The following SCAF8 variants were observed in gnomAD, a reference collection of about 807,000 sequenced individuals.
The protein encoded by SCAF8 is SR-related and CTD-associated factor 8.
Under a neutral mutation model 140.5 loss-of-function variants are expected in SCAF8, and 23 were observed. The observed-to-expected ratio is 0.16, with a 90% CI of 0.12 to 0.23. The LOEUF is 0.23. SCAF8 is among the 10% of genes least tolerant of loss of function. The probability of loss-of-function intolerance (pLI) is 1.00; values close to 1 mark genes in which losing one functional copy is unlikely to be tolerated. For missense variants in SCAF8, 1,397 were observed against 1,555.7 expected, an observed-to-expected ratio of 0.90 and a Z score of 1.72; for synonymous variants, 575 against 528.9, an observed-to-expected ratio of 1.09 and a Z score of -1.20.
intron 12 of SCAF8, among the ~76,000 whole-genome samples, chr6:154,810,935 G>A (rs1778071578): frequency 6.6e-6 from 1 of 152,148 alleles, no homozygotes; most frequent in African/African-American, 2.4e-5. Context: ...TCTAATTTCT[G>A]AAGACTTCCA....
chr6:154,734,627 G>T (rs1237060794), intron 1 of SCAF8, among the ~76,000 whole-genome samples: 1 of 152,142 alleles, frequency 6.6e-6, no homozygotes. Flanking sequence ...TTTCTCGCTG[G>T]TTCATTCACG....
chr6:154,792,930 C>T lies in SCAF8; in HGVS notation c.429C>T (p.Val143=). 1 of 1,613,864 alleles carries T rather than the reference C, an allele frequency of 6.2e-7. No individual in the cohort carries two copies. The highest frequency in any genetic ancestry group is 2.2e-5 in the East Asian group (1 of 44,844). Residue 143 remains valine (V), a synonymous_variant, in exon 5 of 20, where the codon GTC becomes GTT. Transcript: ENST00000367178. ...CAGCCGGGATTCCGCCTCCAGTTGT[C>T]ACACCTGTTTTGGCCAGCACTACCA... ...DMAAGIPPPV[V]TPVLASTTTA... is the part of the protein sequence containing the mutation.
intron 14 of SCAF8, among the ~76,000 whole-genome samples, chr6:154,819,204 G>C (rs545809180): frequency 1.3e-5 from 2 of 152,086 alleles, no homozygotes; most frequent in African/African-American, 4.8e-5. Context: ...TTTCATTAAA[G>C]TTAATATATG....
intron 1 of SCAF8, among the ~76,000 whole-genome samples, chr6:154,758,320 G>A (rs1779016741): frequency 6.6e-6 from 1 of 152,196 alleles, no homozygotes; most frequent in Admixed American, 6.5e-5. Context: ...TTTGGTTAAC[G>A]TCAGGATGCG....
At chr6:154,805,888 G>C (rs1326717672) in intron 9 of SCAF8, among the ~76,000 whole-genome samples, 1 of 152,126 alleles carries the variant, frequency 6.6e-6, no homozygotes, top group African/African-American at 2.4e-5. Flanking sequence ...TGACAATGAT[G>C]ATGGCCATGT....
intron 6 of SCAF8, 29 bp from the exon 7 acceptor site, chr6:154,801,942 T>C (rs963163497): frequency 1.3e-6 from 2 of 1,524,980 alleles, no homozygotes; most frequent in African/African-American, 2.8e-5. Context: ...CCAACACCTG[T>C]TTTGTAATAT....
At chr6:154,763,390 A>G (rs1306219792) in intron 1 of SCAF8, among the ~76,000 whole-genome samples, 2 of 152,198 alleles carry the variant, frequency 1.3e-5, no homozygotes, top group African/African-American at 4.8e-5. Flanking sequence ...TTGTTAAGAA[A>G]GATGGACTGG....
chr6:154,740,625 C>CTTTTTTTTTTTTTT (rs66980794), intron 1 of SCAF8, among the ~76,000 whole-genome samples: 4 of 138,520 alleles, frequency 2.9e-5, no homozygotes, highest in Non-Finnish European at 4.6e-5. Flanking sequence ...TTTTCTTTTT[C>CTTTTTTTTTTTTTT]TTTTTTTTTT....
chr6:154,813,992 A>G (rs751799733), intron 12 of SCAF8, among the ~76,000 whole-genome samples: 1 of 152,310 alleles, frequency 6.6e-6, no homozygotes, highest in Middle Eastern at 3.4e-3. Context: ...ACTATAAGAG[A>G]ATATATTTGT....
At chr6:154,751,859 G>A (rs545627670) in intron 1 of SCAF8, among the ~76,000 whole-genome samples, 56 of 152,220 alleles carry the variant, frequency 3.7e-4, no homozygotes, top group African/African-American at 1.3e-3. Context: ...TCTCCTCCTC[G>A]TAGAACAGGA....
chr6:154,782,654 G>A (rs964255963), intron 3 of SCAF8, among the ~76,000 whole-genome samples: 3 of 152,032 alleles, frequency 2.0e-5, no homozygotes, highest in South Asian at 2.1e-4. Context: ...TAACTTACAC[G>A]ATCACAAGGT....
intron 1 of SCAF8, among the ~76,000 whole-genome samples, chr6:154,760,583 ATTAG>A (rs1776355201): frequency 6.6e-6 from 1 of 152,158 alleles, no homozygotes; most frequent in African/African-American, 2.4e-5. Flanking sequence ...AACTGTGTCT[ATTAG>A]TTTAGTAGAA....
At chr6:154,821,902 T>C (rs1778431598) in intron 15 of SCAF8, among the ~76,000 whole-genome samples, 1 of 152,246 alleles carries the variant, frequency 6.6e-6, no homozygotes, top group Non-Finnish European at 1.5e-5. Flanking sequence ...AAGGATTTTA[T>C]TGTATTGGAT....
At chr6:154,770,388 A>ACACACTCT (rs1384942827) in intron 1 of SCAF8, among the ~76,000 whole-genome samples, 20 of 141,996 alleles carry the variant, frequency 1.4e-4, no homozygotes, top group African/African-American at 5.0e-4. Flanking sequence ...ACACACACAC[A>ACACACTCT]CTCTCTCTCT....
At chr6:154,828,868 C>G (rs576064228) in intron 18 of SCAF8, among the ~76,000 whole-genome samples, 1 of 152,254 alleles carries the variant, frequency 6.6e-6, no homozygotes, top group South Asian at 2.1e-4. Context: ...TGCTTGTGTT[C>G]TCATATACTG....
At chr6:154,755,771 A>G (rs1451823866) in intron 1 of SCAF8, among the ~76,000 whole-genome samples, 1 of 152,224 alleles carries the variant, frequency 6.6e-6, no homozygotes, top group Non-Finnish European at 1.5e-5. Flanking sequence ...AAAGCTGTGC[A>G]CTATATATTC....
At chr6:154,743,179 C>T (rs912820324) in intron 1 of SCAF8, among the ~76,000 whole-genome samples, 1 of 152,180 alleles carries the variant, frequency 6.6e-6, no homozygotes, top group Non-Finnish European at 1.5e-5. Flanking sequence ...CATTTTGCCT[C>T]TTAGAGTCCA....
intron 15 of SCAF8, among the ~76,000 whole-genome samples, chr6:154,821,347 CTTT>C (rs80093729): frequency 6.9e-6 from 1 of 144,872 alleles, no homozygotes; most frequent in Admixed American, 6.9e-5. Flanking sequence ...TTCTGTTTTA[CTTT>C]TTTTTTTTTG....
intron 1 of SCAF8, among the ~76,000 whole-genome samples, chr6:154,764,277 C>CTTTT (rs61472336): frequency 1.4e-5 from 2 of 141,758 alleles, no homozygotes; most frequent in Non-Finnish European, 3.1e-5. Context: ...ATTTTCTTTC[C>CTTTT]TTTTTTTTTT....
Sources: allele counts gnomAD v4.1 joint callset (sites outside exome capture counted in the v4.1 genomes callset), GRCh38; gene constraint gnomAD v4.1.1; transcripts MANE v1.5; gene names NCBI Gene and HGNC (gene_info 2026-07-23, HGNC 2026-07-21).